Variants in PALM2AKAP2 observed in about 807,000 individuals in gnomAD.
PALM2AKAP2 encodes PALM2 and AKAP2 fusion.
In PALM2AKAP2, 37 loss-of-function variants were observed where a neutral mutation model predicts 71.5. The ratio of observed to expected loss-of-function variants is 0.52; its 90% CI spans 0.40 to 0.68. The LOEUF is 0.68. PALM2AKAP2 is among the 30% of genes least tolerant of loss of function. PALM2AKAP2 has a pLI of 0.00. For missense variants in PALM2AKAP2, 1,224 were observed against 1,191.8 expected (o/e 1.03, Z -0.40); for synonymous variants, 468 against 478.8 (o/e 0.98, Z 0.29).
chr9:109,722,503 G>C (rs1213627306), intron 1 of PALM2AKAP2, among the ~76,000 whole-genome samples: 1 of 152,164 alleles, frequency 6.6e-6, no homozygotes, highest in Admixed American at 6.5e-5. Context: ...TAGGCGAGAT[G>C]CCTCACACCT....
chr9:109,730,549 T>G (rs1828540889), intron 1 of PALM2AKAP2, among the ~76,000 whole-genome samples: 1 of 152,228 alleles, frequency 6.6e-6, no homozygotes, highest in South Asian at 2.1e-4. Flanking sequence ...AGTGGGAAAT[T>G]CTTCTACAAT....
chr9:109,999,989 C>A (rs78978229), intron 6 of PALM2AKAP2, among the ~76,000 whole-genome samples: 2,740 of 151,444 alleles, frequency 0.018, 90 homozygotes, highest in African/African-American at 0.063. Context: ...ATTGAATGGA[C>A]CATTCCATTT....
chr9:110,157,819 G>A (rs7023507), intron 3 of PALM2AKAP2, among the ~76,000 whole-genome samples: 86,103 of 152,052 alleles, frequency 0.57, 25,497 homozygotes, highest in East Asian at 0.86. Context: ...TTATATCCTA[G>A]CTGGCTAAGT....
At chr9:110,001,085 A>G (rs1161947433) in intron 6 of PALM2AKAP2, among the ~76,000 whole-genome samples, 6 of 152,042 alleles carry the variant, frequency 3.9e-5, no homozygotes, top group Admixed American at 6.6e-5. Context: ...TGAAATCCTT[A>G]CCCATGCCTA....
intron 6 of PALM2AKAP2, among the ~76,000 whole-genome samples, chr9:110,010,331 G>A (rs921483362): frequency 6.6e-6 from 1 of 151,658 alleles, no homozygotes; most frequent in Admixed American, 6.6e-5. Flanking sequence ...TTATAAGTAA[G>A]AATTTCAGCA....
intron 6 of PALM2AKAP2, 94 bp from the exon 7 acceptor site, chr9:110,015,860 A>G: frequency 8.5e-7 from 1 of 1,181,368 alleles, no homozygotes; most frequent in African/African-American, 1.5e-5. Flanking sequence ...CTCCCTTTAC[A>G]AGTCACATGG....
At chr9:109,784,731 G>T (rs1826916475) in intron 1 of PALM2AKAP2, among the ~76,000 whole-genome samples, 1 of 152,374 alleles carries the variant, frequency 6.6e-6, no homozygotes, top group Middle Eastern at 3.4e-3. Context: ...CCCGCAGCAG[G>T]CCATTGGAGC....
At chr9:109,707,873 T>C (rs778120681) in intron 1 of PALM2AKAP2, among the ~76,000 whole-genome samples, 123 of 152,288 alleles carry the variant, frequency 8.1e-4, no homozygotes, top group Middle Eastern at 3.4e-3. Context: ...CATAATCGCA[T>C]AGTGGCACCG....
chr9:109,660,612 T>C (rs903893876), intron 1 of PALM2AKAP2, among the ~76,000 whole-genome samples: 2 of 152,180 alleles, frequency 1.3e-5, no homozygotes, highest in Admixed American at 1.3e-4. Context: ...GACATTTGGG[T>C]TGTTTCCAAG....
At chr9:110,060,064 GT>G (rs755247918) in intron 1 of PALM2AKAP2, among the ~76,000 whole-genome samples, 3 of 152,090 alleles carry the variant, frequency 2.0e-5, no homozygotes, top group Non-Finnish European at 4.4e-5. Context: ...ATTGTAATTT[GT>G]GATTGAATGC....
intron 7 of PALM2AKAP2, among the ~76,000 whole-genome samples, chr9:110,025,654 A>C (rs1245315158): frequency 6.6e-6 from 1 of 152,172 alleles, no homozygotes; most frequent in African/African-American, 2.4e-5. Context: ...ACACCTCACC[A>C]ACAATGAATG....
chr9:110,022,559 T>C (rs1355718160), intron 7 of PALM2AKAP2, among the ~76,000 whole-genome samples: 1 of 150,574 alleles, frequency 6.6e-6, no homozygotes, highest in African/African-American at 2.5e-5. Flanking sequence ...TCTTTTTTTT[T>C]CTTTATTTTT....
chr9:110,040,072 G>T (rs888815227), intron 7 of PALM2AKAP2, among the ~76,000 whole-genome samples: 1 of 151,890 alleles, frequency 6.6e-6, no homozygotes, highest in African/African-American at 2.4e-5. Flanking sequence ...AGAGGAGAGG[G>T]AGAGGGAGCT....
intron 3 of PALM2AKAP2, among the ~76,000 whole-genome samples, chr9:109,882,849 A>G (rs555290559): frequency 2.0e-5 from 3 of 151,638 alleles, no homozygotes; most frequent in South Asian, 2.1e-4. Flanking sequence ...GAGTCTCACT[A>G]TGTTGCTTAG....
intron 1 of PALM2AKAP2, among the ~76,000 whole-genome samples, chr9:109,855,540 T>C (rs1829140104): frequency 6.6e-6 from 1 of 152,200 alleles, no homozygotes; most frequent in Non-Finnish European, 1.5e-5. Flanking sequence ...TGTAATGAAG[T>C]TCGTCAGTTT....
intron 1 of PALM2AKAP2, among the ~76,000 whole-genome samples, chr9:109,660,284 T>C (rs570951388): frequency 1.3e-5 from 2 of 152,294 alleles, no homozygotes; most frequent in East Asian, 3.9e-4. Flanking sequence ...GCCATGTTGG[T>C]TTGCTGCACC....
At chr9:110,121,471 G>A (rs571722608) in intron 1 of PALM2AKAP2, among the ~76,000 whole-genome samples, 2 of 152,220 alleles carry the variant, frequency 1.3e-5, no homozygotes, top group African/African-American at 2.4e-5. Context: ...CCCCAGCTTC[G>A]CTAAGCACCA....
intron 3 of PALM2AKAP2, among the ~76,000 whole-genome samples, chr9:109,895,792 T>C (rs1468713533): frequency 6.6e-6 from 1 of 152,164 alleles, no homozygotes; most frequent in African/African-American, 2.4e-5. Flanking sequence ...GACTCACAGT[T>C]TAGCATGGCT....
chr9:110,073,039 T>C lies in PALM2AKAP2; in HGVS notation c.156+24184T>C, dbSNP rs376467659. On this transcript the variant is annotated intron_variant, in intron 1 of 3. Coordinates refer to ENST00000374525, the Ensembl canonical transcript of PALM2AKAP2. ...ACTTCACACAACACCAAGCCCAAAC[T>C]GTTAAGCATTGCCTTAGGAGAGGTT... Among the ~76,000 whole-genome samples, 61 of 152,346 alleles carry C rather than the reference T, an allele frequency of 4.0e-4. No homozygotes were observed. The East Asian group carries it at 8.1e-3, about 20-fold the overall frequency.
Sources: gnomAD v4.1 joint callset for allele counts (sites outside exome capture counted in the v4.1 genomes callset) on GRCh38, gnomAD v4.1.1 for gene constraint, MANE v1.5 for transcripts, NCBI Gene and HGNC (gene_info 2026-07-23, HGNC 2026-07-21) for gene names.